The following CTNNA3 variants were observed in gnomAD, a reference collection of about 807,000 sequenced individuals.
The protein encoded by CTNNA3 is catenin alpha 3, also known as catenin alpha-3.
A neutral mutation model predicts 95.7 loss-of-function variants in CTNNA3; 76 were observed. That is an observed-to-expected ratio of 0.79 (90% CI 0.66 to 0.96). CTNNA3 has a LOEUF of 0.96. CTNNA3 is among the 40% of genes least tolerant of loss of function. The pLI is 0.00. For missense variants in CTNNA3, 1,191 were observed against 1,089.8 expected, an observed-to-expected ratio of 1.09 and a Z score of -1.31; for synonymous variants, 431 against 374.4, an observed-to-expected ratio of 1.15 and a Z score of -1.74.
intron 7 of CTNNA3, among the ~76,000 whole-genome samples, chr10:67,128,777 T>C (rs895054453): frequency 6.6e-6 from 1 of 152,090 alleles, no homozygotes; most frequent in Admixed American, 6.6e-5. Context: ...TTTTTATAAA[T>C]ACCTATTTGA....
intron 2 of CTNNA3, among the ~76,000 whole-genome samples, chr10:67,614,857 G>T (rs868446140): frequency 3.3e-5 from 5 of 152,166 alleles, no homozygotes; most frequent in South Asian, 4.1e-4. Context: ...CTGAGGCCTT[G>T]CTCCTTGGCT....
intron 5 of CTNNA3, among the ~76,000 whole-genome samples, chr10:67,298,928 ATT>A (rs111379857): frequency 1.3e-3 from 194 of 146,600 alleles, no homozygotes; most frequent in African/African-American, 4.5e-3. Context: ...CATATGTTGC[ATT>A]TTTTTTTTTT....
chr10:67,492,332 A>G (rs1838873703), intron 5 of CTNNA3, among the ~76,000 whole-genome samples: 1 of 135,654 alleles, frequency 7.4e-6, no homozygotes, highest in South Asian at 2.6e-4. Context: ...AGTGATCATA[A>G]TAACAGTGTT....
rs566933862 is a variant in CTNNA3 at position 66,393,117 on chromosome 10, C to A, written c.1532-13765G>T. 2.0e-4 allele frequency among the ~76,000 whole-genome samples: 30 copies of A among 152,100 alleles called. No individual in the cohort carries two copies. In the South Asian group the frequency reaches 5.8e-3, roughly 29 times the overall value. ...ATGCAGGAAATTTAAATGCATACTG[C>A]TAATGAAAGAAGTCAATCTGAAAGG... On this transcript the variant is annotated intron_variant, in intron 11 of 17. Coordinates refer to ENST00000433211, the MANE Select transcript of CTNNA3 (RefSeq NM_013266.4).
Position 66,649,558 on chromosome 10 carries a change from C to T in CTNNA3, c.1282-27774G>A, listed in dbSNP as rs146336154. On this transcript the variant is annotated intron_variant, in intron 9 of 17. Transcript: ENST00000433211. ...CTTACTGTGGAACCCAACACTGGGCCTGCTCCAGCAAAACCCAACTTCACG... is the reference window on the plus strand; with the variant it reads ...CTTACTGTGGAACCCAACACTGGGCTTGCTCCAGCAAAACCCAACTTCACG... 3.3e-5 allele frequency among the ~76,000 whole-genome samples: 5 copies of T among 152,314 alleles called. No individual in the cohort carries two copies. In the East Asian group the frequency reaches 9.7e-4, roughly 29 times the overall value.
chr10:66,626,596 G>T (rs1191190234), intron 9 of CTNNA3, among the ~76,000 whole-genome samples: 1 of 152,022 alleles, frequency 6.6e-6, no homozygotes, highest in East Asian at 1.9e-4. Context: ...TTCTTTATAA[G>T]GAGATGAAAT....
At chr10:66,997,984 T>A (rs1851452836) in intron 7 of CTNNA3, among the ~76,000 whole-genome samples, 1 of 152,212 alleles carries the variant, frequency 6.6e-6, no homozygotes, top group Non-Finnish European at 1.5e-5. Flanking sequence ...TCACTTGGAT[T>A]ATTGCAGTGA....
At chr10:66,752,556 C>T (rs116821477) in intron 9 of CTNNA3, among the ~76,000 whole-genome samples, 1,638 of 151,962 alleles carry the variant, frequency 0.011, 39 homozygotes, top group African/African-American at 0.038. Context: ...AAGCATAATC[C>T]ATATATAGTA....
chr10:67,583,750 G>A (rs1317091816), intron 3 of CTNNA3, among the ~76,000 whole-genome samples: 1 of 152,162 alleles, frequency 6.6e-6, no homozygotes, highest in African/African-American at 2.4e-5. Flanking sequence ...TGGAGGCTTT[G>A]TTCATTTCTT....
chr10:66,970,285 TAC>T (rs1453008410), intron 7 of CTNNA3, among the ~76,000 whole-genome samples: 8 of 152,308 alleles, frequency 5.3e-5, no homozygotes, highest in African/African-American at 1.9e-4. Context: ...GGGATTTCTT[TAC>T]AGTTACTCTG....
At chr10:66,192,108 C>T (rs1377263739) in intron 13 of CTNNA3, among the ~76,000 whole-genome samples, 1 of 152,110 alleles carries the variant, frequency 6.6e-6, no homozygotes, top group South Asian at 2.1e-4. Flanking sequence ...TTATAAATTA[C>T]AGTCTTTGGT....
chr10:67,366,393 A>T (rs1843220429), intron 5 of CTNNA3, among the ~76,000 whole-genome samples: 1 of 152,034 alleles, frequency 6.6e-6, no homozygotes, highest in South Asian at 2.1e-4. Context: ...ATTCACTGAC[A>T]TTCAGAAAAA....
intron 3 of CTNNA3, among the ~76,000 whole-genome samples, chr10:67,599,496 C>T (rs1184236797): frequency 6.6e-6 from 1 of 151,698 alleles, no homozygotes; most frequent in Non-Finnish European, 1.5e-5. Flanking sequence ...GAGGCTAGTC[C>T]TAATGGATGA....
At chr10:67,602,906 C>A (rs1182945182) in intron 3 of CTNNA3, among the ~76,000 whole-genome samples, 2 of 152,122 alleles carry the variant, frequency 1.3e-5, no homozygotes, top group South Asian at 4.1e-4. Context: ...AAGACTATTA[C>A]AAAATTTTAT....
In CTNNA3 at chr10:67,539,554, A is replaced by C. The variant is rs1479598922; in HGVS notation, c.408T>G (p.Leu136=). ...TGACATCAATCATGTCCGCAAGGAT[A>C]AGGAGTCTCGTCACCGCAGCCAGCA... ...RALLAAVTRL[L]ILADMIDVMC... Residue 136 remains leucine (L), a synonymous_variant, in exon 4 of 18, where the codon CTT becomes CTG. Coordinates refer to ENST00000433211, the MANE Select transcript of CTNNA3 (RefSeq NM_013266.4). 6.2e-7 allele frequency: 1 copy of C among 1,613,838 alleles called. No individual in the cohort carries two copies. The highest frequency in any genetic ancestry group is 8.5e-7 in the Non-Finnish European group (1 of 1,179,802).
At chr10:67,093,242 C>T (rs975596235) in intron 7 of CTNNA3, among the ~76,000 whole-genome samples, 10 of 151,870 alleles carry the variant, frequency 6.6e-5, no homozygotes, top group Non-Finnish European at 1.3e-4. Flanking sequence ...TTGCCCTTCC[C>T]TGAGCCTATT....
rs555887828 is a variant in CTNNA3 at position 67,293,807 on chromosome 10, G to A, written c.580-73937C>T. On this transcript the variant is annotated intron_variant, in intron 5 of 17. Transcript: ENST00000433211. ...TTGCGATAGTTTGCTGAGAATGATG[G>A]TTTCCAGCTTCATCCATGTCCCTAC... Among the ~76,000 whole-genome samples, 9 of 151,882 alleles carry A rather than the reference G, an allele frequency of 5.9e-5. No homozygotes were observed. The South Asian group carries it at 1.9e-3, about 32-fold the overall frequency.
intron 7 of CTNNA3, among the ~76,000 whole-genome samples, chr10:67,103,248 T>C (rs1392370789): frequency 6.6e-6 from 1 of 151,928 alleles, no homozygotes. Flanking sequence ...CCCATATCAA[T>C]GTGAATCTAG....
chr10:66,295,748 A>G (rs1000611965), intron 12 of CTNNA3, among the ~76,000 whole-genome samples: 1 of 152,174 alleles, frequency 6.6e-6, no homozygotes, highest in Non-Finnish European at 1.5e-5. Context: ...CAGGTCACAT[A>G]TCTTAGTTAC....
Sources: gnomAD v4.1 joint callset for allele counts (sites outside exome capture counted in the v4.1 genomes callset) on GRCh38, gnomAD v4.1.1 for gene constraint, MANE v1.5 for transcripts, NCBI Gene and HGNC (gene_info 2026-07-23, HGNC 2026-07-21) for gene names.